KCNT2: variants seen among roughly 807,000 people sequenced by gnomAD.
The protein encoded by KCNT2 is potassium sodium-activated channel subfamily T member 2.
Under a neutral mutation model 153.8 loss-of-function variants are expected in KCNT2, and 67 were observed. The observed-to-expected ratio is 0.44, with a 90% CI of 0.36 to 0.53. The LOEUF (loss-of-function observed/expected upper bound fraction) is 0.53. KCNT2 is among the 20% of genes least tolerant of loss of function. The probability of loss-of-function intolerance (pLI) is 0.00; values close to 1 mark genes in which losing one functional copy is unlikely to be tolerated. For synonymous variants in KCNT2, 500 were observed against 458.8 expected (o/e 1.09, Z -1.15); for missense variants, 975 against 1,354.8 (o/e 0.72, Z 4.40).
At chr1:196,525,810 A>C (rs1372351826) in intron 1 of KCNT2, among the ~76,000 whole-genome samples, 2 of 152,128 alleles carry the variant, frequency 1.3e-5, no homozygotes, top group African/African-American at 4.8e-5. Flanking sequence ...TATTATAATG[A>C]AATACTGTAC....
intron 22 of KCNT2, among the ~76,000 whole-genome samples, chr1:196,296,265 T>C (rs917004097): frequency 2.0e-5 from 3 of 151,838 alleles, no homozygotes; most frequent in Non-Finnish European, 4.4e-5. Context: ...TAAGAAAATA[T>C]GATAGTTATA....
chr1:196,333,300 T>C (rs1055806774), intron 17 of KCNT2, among the ~76,000 whole-genome samples: 4 of 152,000 alleles, frequency 2.6e-5, no homozygotes, highest in Non-Finnish European at 5.9e-5. Context: ...TAATACTATA[T>C]AGATTGGCGT....
At chr1:196,315,258 TTG>T (rs1662593946) in intron 21 of KCNT2, among the ~76,000 whole-genome samples, 1 of 151,672 alleles carries the variant, frequency 6.6e-6, no homozygotes, top group Non-Finnish European at 1.5e-5. Flanking sequence ...TTAGGGAGAA[TTG>T]TTCCAAGTGA....
chr1:196,364,378 C>G (rs1358749434), intron 14 of KCNT2, among the ~76,000 whole-genome samples: 1 of 152,140 alleles, frequency 6.6e-6, no homozygotes, highest in East Asian at 1.9e-4. Flanking sequence ...TAACACCCAT[C>G]CAAAAACAAT....
chr1:196,437,910 A>T (rs545436776), intron 8 of KCNT2, among the ~76,000 whole-genome samples: 6 of 151,668 alleles, frequency 4.0e-5, no homozygotes, highest in Non-Finnish European at 7.4e-5. Context: ...CTGGTAAAAA[A>T]AGAGCCTCTA....
rs1671424988 is a variant in KCNT2 at position 196,401,652 on chromosome 1, A to G, written c.1186-2981T>C. 3.3e-5 allele frequency among the ~76,000 whole-genome samples: 5 copies of G among 151,828 alleles called. No individual in the cohort carries two copies. The South Asian group carries it at 1.0e-3, about 31-fold the overall frequency. On this transcript the variant is annotated intron_variant, in intron 12 of 27. Coordinates refer to ENST00000294725, the MANE Select transcript of KCNT2 (RefSeq NM_198503.5). ...AATTTACCCAATTTGAAAAACAAAG[A>G]GAAAAGGTAAGGAAAAGGGAACAGA...
intron 5 of KCNT2, 27 bp downstream of exon 5, chr1:196,479,152 G>C (rs535172549): frequency 7.4e-7 from 1 of 1,354,676 alleles, no homozygotes; most frequent in South Asian, 1.2e-5. Context: ...TTCTATCAGC[G>C]GGAAACTGCT....
chr1:196,434,744 T>C (rs866969403), intron 8 of KCNT2, among the ~76,000 whole-genome samples: 1 of 151,928 alleles, frequency 6.6e-6, no homozygotes, highest in Non-Finnish European at 1.5e-5. Flanking sequence ...CTTTGACCAA[T>C]AAATATGACA....
chr1:196,326,907 T>A lies in KCNT2; in HGVS notation c.2104-18A>T. 11 of 1,441,530 alleles carry A rather than the reference T, an allele frequency of 7.6e-6. No individual in the cohort carries two copies. Among genetic ancestry groups the A allele is most frequent in the Non-Finnish European group, 9.3e-6 (10 of 1,070,724 alleles). The allele number at this position is 1,441,530 out of a possible 1,614,324, so 89.3% of individuals were successfully genotyped here. A position where few individuals can be genotyped will look rare whatever the true frequency, so the allele number is the denominator to read the frequency against. On this transcript the variant is annotated intron_variant, in intron 18 of 27. Transcript: ENST00000294725. ...TGGCAACTCTAGAGAAGAGAAAGTA[T>A]ACATTGAAATGCCATTTGGATACTT... is the stretch of plus-strand genomic sequence containing the variant.
chr1:196,237,237 C>T lies in KCNT2; in HGVS notation c.3212-1167G>A, dbSNP rs190389805. On this transcript the variant is annotated intron_variant, in intron 26 of 27. Transcript: ENST00000294725. The stretch of plus-strand genomic sequence containing the variant: ...TAAAATAATGTTGACTACTGTGTTC[C>T]TCTAACGAGAAACCTGTCACTTTAA... 4.0e-5 allele frequency among the ~76,000 whole-genome samples: 6 copies of T among 151,784 alleles called. No individual in the cohort carries two copies. In the East Asian group the frequency reaches 1.2e-3, roughly 29 times the overall value.
At chr1:196,480,805 G>A (rs1296555875) in intron 4 of KCNT2, among the ~76,000 whole-genome samples, 2 of 124,182 alleles carry the variant, frequency 1.6e-5, no homozygotes, top group African/African-American at 3.1e-5. Context: ...GCAGTGAGCC[G>A]AGATCGCACC....
intron 8 of KCNT2, among the ~76,000 whole-genome samples, chr1:196,460,881 C>T (rs908309553): frequency 7.3e-5 from 11 of 151,376 alleles, no homozygotes; most frequent in African/African-American, 1.7e-4. Flanking sequence ...TTTGTGACTT[C>T]GTCTTATTTT....
chr1:196,471,771 T>G (rs1678127642), intron 5 of KCNT2, among the ~76,000 whole-genome samples: 1 of 152,232 alleles, frequency 6.6e-6, no homozygotes, highest in South Asian at 2.1e-4. Flanking sequence ...TAGCCTTTTA[T>G]GATTTTTATT....
At chr1:196,330,372 G>A (rs1312660893) in intron 18 of KCNT2, among the ~76,000 whole-genome samples, 1 of 151,800 alleles carries the variant, frequency 6.6e-6, no homozygotes, top group Non-Finnish European at 1.5e-5. Context: ...TAAGGATGAG[G>A]AAACTGAAAC....
intron 1 of KCNT2, among the ~76,000 whole-genome samples, chr1:196,550,202 A>G (rs1161291503): frequency 6.6e-6 from 1 of 151,930 alleles, no homozygotes; most frequent in Non-Finnish European, 1.5e-5. Flanking sequence ...AGTTTAAAGG[A>G]TAAAAAAGTA....
intron 26 of KCNT2, among the ~76,000 whole-genome samples, chr1:196,251,680 T>G (rs1406182046): frequency 6.6e-6 from 1 of 151,998 alleles, no homozygotes; most frequent in African/African-American, 2.4e-5. Flanking sequence ...AGACCTAGTA[T>G]TTGATAGCAA....
At chr1:196,341,046 C>A (rs964186198) in intron 15 of KCNT2, among the ~76,000 whole-genome samples, 1 of 151,284 alleles carries the variant, frequency 6.6e-6, no homozygotes, top group Non-Finnish European at 1.5e-5. Flanking sequence ...TTTAAATAGT[C>A]TTAAATAGGT....
chr1:196,431,492 C>A (rs372878813), intron 8 of KCNT2, among the ~76,000 whole-genome samples: 26 of 151,908 alleles, frequency 1.7e-4, no homozygotes, highest in African/African-American at 6.3e-4. Context: ...GGGGAAATAC[C>A]GACGGTAACG....
intron 14 of KCNT2, among the ~76,000 whole-genome samples, chr1:196,369,895 C>T (rs567978202): frequency 2.0e-5 from 3 of 152,246 alleles, no homozygotes; most frequent in South Asian, 2.1e-4. Context: ...CCTGAGGAAT[C>T]ACCACACTGC....
Sources: allele counts gnomAD v4.1 joint callset (sites outside exome capture counted in the v4.1 genomes callset), GRCh38; gene constraint gnomAD v4.1.1; transcripts MANE v1.5; gene names NCBI Gene and HGNC (gene_info 2026-07-23, HGNC 2026-07-21).